Variants in TRIM14 observed in about 807,000 individuals in gnomAD.
TRIM14 encodes tripartite motif containing 14, also known as tripartite motif-containing protein 14.
Under a neutral mutation model 44.5 loss-of-function variants are expected in TRIM14, and 28 were observed. The ratio of observed to expected loss-of-function variants is 0.63; its 90% CI spans 0.47 to 0.86. The LOEUF (loss-of-function observed/expected upper bound fraction) is 0.86, where lower values mean the gene tolerates loss of function less well. Ranked by LOEUF, TRIM14 falls within the 40% of genes least tolerant of loss-of-function variation. The probability of loss-of-function intolerance (pLI) is 0.00; values close to 1 mark genes in which losing one functional copy is unlikely to be tolerated. For missense variants in TRIM14, 607 were observed against 611.1 expected (o/e 0.99, Z 0.07); for synonymous variants, 299 against 269.2 (o/e 1.11, Z -1.08).
At chr9:98,069,959 C>G (rs1241694592) in intron 6 of TRIM14, among the ~76,000 whole-genome samples, 1 of 152,092 alleles carries the variant, frequency 6.6e-6, no homozygotes, top group African/African-American at 2.4e-5. Flanking sequence ...GTCATTCACC[C>G]AGTTGTGGTA....
the TRIM14 span, among the ~76,000 whole-genome samples, chr9:98,043,007 G>T: frequency 6.6e-6 from 1 of 151,824 alleles, no homozygotes; most frequent in East Asian, 1.9e-4. Context: ...TACATTTTTA[G>T]TAGTGAAACA....
At chr9:98,076,529 C>T (rs1009441505) in intron 6 of TRIM14, 2 of 193,096 alleles carry the variant, frequency 1.0e-5, no homozygotes, top group Non-Finnish European at 1.1e-5. Context: ...TGCCCGCCAC[C>T]ACACCCGGCT....
At chr9:98,105,238 G>A (rs1342683182) in intron 2 of TRIM14, among the ~76,000 whole-genome samples, 3 of 152,332 alleles carry the variant, frequency 2.0e-5, no homozygotes, top group African/African-American at 2.4e-5. Flanking sequence ...TATTCCACCC[G>A]CAGGGGTTCT....
At chr9:98,078,405 C>G (rs1587926892) in intron 6 of TRIM14, 14 of 1,556,562 alleles carry the variant, frequency 9.0e-6, no homozygotes, top group Non-Finnish European at 1.1e-5. Flanking sequence ...AAGGCGTAGT[C>G]TTTTTTATAA....
At chr9:98,039,636 C>CT in the TRIM14 span, among the ~76,000 whole-genome samples, 29 of 152,032 alleles carry the variant, frequency 1.9e-4, no homozygotes, top group Non-Finnish European at 3.7e-4. Context: ...GCAGACGCTG[C>CT]ACTTGATGGA....
intron 6 of TRIM14, chr9:98,069,727 T>C (rs112266218): frequency 0.02 from 3,069 of 152,164 alleles, 117 homozygotes; most frequent in African/African-American, 0.07. Flanking sequence ...AACAGATGAG[T>C]AGTTGCCAAA....
the TRIM14 span, among the ~76,000 whole-genome samples, chr9:98,039,940 G>C: frequency 6.6e-6 from 1 of 152,132 alleles, no homozygotes; most frequent in African/African-American, 2.4e-5. Flanking sequence ...AATTGACACT[G>C]TCTAGCAGCG....
the TRIM14 span, among the ~76,000 whole-genome samples, chr9:98,051,832 C>A: frequency 6.6e-6 from 1 of 151,286 alleles, no homozygotes; most frequent in African/African-American, 2.4e-5. Context: ...TGCAAGGCAA[C>A]CCAAAGCCAA....
At chr9:98,060,606 G>A in the TRIM14 span, among the ~76,000 whole-genome samples, 2 of 151,726 alleles carry the variant, frequency 1.3e-5, no homozygotes, top group African/African-American at 4.8e-5. Flanking sequence ...GGAGGCATTG[G>A]TTGTAGTGAG....
chr9:98,105,597 C>A (rs1024153419), intron 2 of TRIM14, among the ~76,000 whole-genome samples: 3 of 152,028 alleles, frequency 2.0e-5, no homozygotes, highest in Non-Finnish European at 2.9e-5. Flanking sequence ...AACAAACAAA[C>A]AAAAAAACAA....
rs1377980051 is a variant in TRIM14 at position 98,087,582 on chromosome 9, T to A, written c.1217A>T (p.Asp406Val). The change falls in exon 6 of 6, where the codon GAC (aspartate) becomes GTC (valine). Residue 406 changes from aspartate to valine, a missense_variant. Physicochemically the swap from Asp to Val is radical, Grantham distance 152. Coordinates refer to ENST00000341469, the MANE Select transcript of TRIM14 (RefSeq NM_014788.4). ...DYEAGVLAFY[D>V]VTGGMSHLHT... The stretch of plus-strand genomic sequence containing the variant: ...CAGGTGGCTCATGCCGCCCGTCACG[T>A]CGTAGAAGGCGAGGACGCCGGCCTC... 6.3e-7 allele frequency: 1 copy of A among 1,598,838 alleles called. No homozygotes were observed. Among genetic ancestry groups the A allele is most frequent in the South Asian group, 1.1e-5 (1 of 89,648 alleles).
chr9:98,056,772 A>C, the TRIM14 span: 1 of 1,603,374 alleles, frequency 6.2e-7, no homozygotes, highest in South Asian at 1.1e-5. Context: ...GGCCGGACCC[A>C]GACTGGTAGT....
downstream of TRIM14, among the ~76,000 whole-genome samples, chr9:98,080,565 T>G (rs78129780): frequency 1.5e-3 from 222 of 152,356 alleles, 7 homozygotes; most frequent in East Asian, 0.03. Flanking sequence ...TTAAAATGCA[T>G]TCTTTAGAAT....
chr9:98,082,991 T>C (rs1829955743), downstream of TRIM14: 1 of 1,614,022 alleles, frequency 6.2e-7, no homozygotes. Flanking sequence ...CTGGTCACTG[T>C]TGAAGAGGAT....
intron 2 of TRIM14, among the ~76,000 whole-genome samples, chr9:98,101,205 C>T (rs1826376644): frequency 6.6e-6 from 1 of 152,078 alleles, no homozygotes; most frequent in Non-Finnish European, 1.5e-5. Flanking sequence ...GAACTTCTGA[C>T]CTCAGGTGAT....
chr9:98,071,949 C>T (rs935250171), intron 6 of TRIM14, among the ~76,000 whole-genome samples: 2 of 152,210 alleles, frequency 1.3e-5, no homozygotes, highest in Non-Finnish European at 2.9e-5. Flanking sequence ...CAGGTGGCAT[C>T]GGTTGAGAAC....
chr9:98,117,046 G>C (rs1827079501), intron 1 of TRIM14, among the ~76,000 whole-genome samples: 1 of 152,038 alleles, frequency 6.6e-6, no homozygotes, highest in Non-Finnish European at 1.5e-5. Flanking sequence ...ATGCACACCT[G>C]TTATTCCTGT....
chr9:98,097,081 C>T (rs1211048621), intron 3 of TRIM14, among the ~76,000 whole-genome samples: 1 of 152,150 alleles, frequency 6.6e-6, no homozygotes, highest in East Asian at 1.9e-4. Flanking sequence ...GTCGTCTCAG[C>T]TCTTCCAGGG....
intron 3 of TRIM14, among the ~76,000 whole-genome samples, chr9:98,096,360 T>C (rs1488519924): frequency 6.6e-6 from 1 of 152,012 alleles, no homozygotes; most frequent in Non-Finnish European, 1.5e-5. Flanking sequence ...GACCAAGCAC[T>C]AGCAGGAAGT....
Sources: allele counts gnomAD v4.1 joint callset (sites outside exome capture counted in the v4.1 genomes callset), GRCh38; gene constraint gnomAD v4.1.1; transcripts MANE v1.5; gene names NCBI Gene and HGNC (gene_info 2026-07-23, HGNC 2026-07-21).